KCND3: variants seen among roughly 807,000 people sequenced by gnomAD.
The protein encoded by KCND3 is potassium voltage-gated channel subfamily D member 3.
Under a neutral mutation model 51.1 loss-of-function variants are expected in KCND3, and 9 were observed. The ratio of observed to expected loss-of-function variants is 0.18; its 90% confidence interval spans 0.11 to 0.31. The LOEUF is 0.31. Among genes scored for constraint, KCND3 ranks in the 10% least tolerant of loss-of-function variants. The probability of loss-of-function intolerance (pLI) is 1.00; values close to 1 mark genes in which losing one functional copy is unlikely to be tolerated. For missense variants in KCND3, 526 were observed against 903.8 expected (o/e 0.58, Z 5.36); for synonymous variants, 349 against 368.0 (o/e 0.95, Z 0.59).
chr1:111,900,139 T>G (rs1442320681), intron 2 of KCND3, among the ~76,000 whole-genome samples: 1 of 152,150 alleles, frequency 6.6e-6, no homozygotes, highest in Non-Finnish European at 1.5e-5. Context: ...TATGCAGGGC[T>G]GCTGGGCACC....
chr1:111,956,328 C>T (rs983435690), intron 2 of KCND3, among the ~76,000 whole-genome samples: 11 of 152,172 alleles, frequency 7.2e-5, no homozygotes, highest in East Asian at 1.9e-4. Context: ...TCAGTGCTCC[C>T]GCCAGTCGCC....
chr1:111,904,757 T>C (rs867109375), intron 2 of KCND3, among the ~76,000 whole-genome samples: 2 of 152,226 alleles, frequency 1.3e-5, no homozygotes, highest in South Asian at 2.1e-4. Flanking sequence ...CTGCCGCCGA[T>C]TGGCTCTGAT....
At chr1:111,950,496 G>T (rs1381458129) in intron 2 of KCND3, among the ~76,000 whole-genome samples, 1 of 152,252 alleles carries the variant, frequency 6.6e-6, no homozygotes, top group African/African-American at 2.4e-5. Flanking sequence ...GCAGCACTGT[G>T]CCTGGTGCCC....
chr1:111,934,689 G>C (rs7532076), intron 2 of KCND3, among the ~76,000 whole-genome samples: 1 of 152,020 alleles, frequency 6.6e-6, no homozygotes, highest in South Asian at 2.1e-4. Context: ...TCTGAATCTG[G>C]GTGTGGACAG....
intron 2 of KCND3, among the ~76,000 whole-genome samples, chr1:111,866,263 C>CTTTTTTTTTTTTTTTTTTTTTT (rs11399761): frequency 1.8e-5 from 1 of 54,222 alleles, no homozygotes; most frequent in Non-Finnish European, 5.4e-5. Context: ...CTTTTCTTTT[C>CTTTTTTTTTTTTTTTTTTTTTT]TTTTTTTTTT....
Position 111,947,480 on chromosome 1 carries a change from G to T in KCND3, c.1106+34141C>A, listed in dbSNP as rs145863394. On this transcript the variant is annotated intron_variant, in intron 2 of 7. Transcript: ENST00000302127. The stretch of plus-strand genomic sequence containing the variant: ...CTTTAGTGATGTGAAAATTGTATTT[G>T]TGTTATTCCCATCTCATAGAGGAAG... Among the ~76,000 whole-genome samples the T allele has an allele frequency of 5.4e-3, 824 of 152,332 alleles. 7 individuals carry two copies. The highest frequency in any genetic ancestry group is 0.019 in the African/African-American group (781 of 41,580).
rs1483590521 is a variant in KCND3, at chr1:111,982,027, C to T, written c.700G>A (p.Val234Ile). Residue 234 changes from valine (V) to isoleucine (I), a missense_variant, in exon 2 of 8, where the codon GTC becomes ATC. By Grantham distance (29) the Val-to-Ile change is conservative (BLOSUM62 3). Transcript: ENST00000302127. This position sits in a 1 kb window ranked among gnomAD's most constrained non-coding sequence, Gnocchi z 8.5. ...VAFFCLDTAC[V>I]MIFTVEYLLR... ...AGGTACTCCACGGTGAAGATCATGA[C>T]GCACGCCGTGTCCAGGCAGAAGAAG... 6.2e-7 allele frequency: 1 copy of T among 1,613,756 alleles called. No individual in the cohort carries two copies.
At chr1:111,832,765 A>G (rs1253944028) in intron 2 of KCND3, among the ~76,000 whole-genome samples, 5 of 152,186 alleles carry the variant, frequency 3.3e-5, no homozygotes, top group Non-Finnish European at 7.3e-5. Flanking sequence ...GTGTAGTTCT[A>G]ACGGAATAAA....
intron 2 of KCND3, among the ~76,000 whole-genome samples, chr1:111,790,295 TTAATGAGA>T (rs1664773673): frequency 6.6e-6 from 1 of 152,188 alleles, no homozygotes; most frequent in African/African-American, 2.4e-5. Flanking sequence ...GTTGCGATAA[TTAATGAGA>T]TAATTCAAAA....
rs555770226 is a variant in KCND3 at position 111,793,270 on chromosome 1, G to A, written c.1107-6164C>T. 2.6e-5 allele frequency among the ~76,000 whole-genome samples: 4 copies of A among 151,472 alleles called. No individual in the cohort carries two copies. In the East Asian group the frequency reaches 7.8e-4, roughly 29 times the overall value. On this transcript the variant is annotated intron_variant, in intron 2 of 7. Transcript: ENST00000302127. ...GGCTCACTGCAACCTCTGCCTCCTG[G>A]GTTCATGCCATTCTCCTGCCTCAGC...
Position 111,982,888 on chromosome 1 carries a change from G to A in KCND3, c.-72-90C>T. 1.0e-6 allele frequency: 1 copy of A among 998,906 alleles called. No individual in the cohort carries two copies. The highest frequency in any genetic ancestry group is 1.5e-6 in the Non-Finnish European group (1 of 670,340). The allele number at this position is 998,906 out of a possible 1,614,324, so 61.9% of individuals were successfully genotyped here. The stretch of plus-strand genomic sequence containing the variant: ...ACACAGGAAAGGATCACTGGTGAGT[G>A]AAACGGCCAAAGTCTCCAGGGCAGA... On this transcript the variant is annotated intron_variant, in intron 1 of 7. Coordinates refer to ENST00000302127, the MANE Select transcript of KCND3 (RefSeq NM_001378969.1). The surrounding 1 kb of genome is among the most constrained non-coding windows in gnomAD (Gnocchi z 8.5).
chr1:111,866,522 C>T lies in KCND3; in HGVS notation c.1107-79416G>A, dbSNP rs550315432. 6.2e-4 allele frequency among the ~76,000 whole-genome samples: 94 copies of T among 151,548 alleles called. 3 individuals carry two copies. In the South Asian group the frequency reaches 0.019, roughly 31 times the overall value. ...CCAAGCAATCTACCTGCCTTGGCCT[C>T]CCAAATTGCTGGGATTATAGGCATG... On this transcript the variant is annotated intron_variant, in intron 2 of 7. Coordinates refer to ENST00000302127, the MANE Select transcript of KCND3 (RefSeq NM_001378969.1).
intron 2 of KCND3, among the ~76,000 whole-genome samples, chr1:111,918,723 C>T (rs554780306): frequency 6.6e-6 from 1 of 152,176 alleles, no homozygotes; most frequent in South Asian, 2.1e-4. Flanking sequence ...AGCTTAATTT[C>T]CTTTGTTGCC....
chr1:111,806,211 G>C (rs1665563785), intron 2 of KCND3, among the ~76,000 whole-genome samples: 1 of 152,192 alleles, frequency 6.6e-6, no homozygotes, highest in African/African-American at 2.4e-5. Context: ...TTTTTCAACA[G>C]AGGCCTTCTA....
chr1:111,856,124 A>G (rs1035446537), intron 2 of KCND3, among the ~76,000 whole-genome samples: 2 of 152,218 alleles, frequency 1.3e-5, no homozygotes, highest in Admixed American at 6.5e-5. Context: ...TGAATACCCA[A>G]GGGACTGCCT....
intron 2 of KCND3, among the ~76,000 whole-genome samples, chr1:111,917,140 A>T (rs1671254690): frequency 6.6e-6 from 1 of 152,248 alleles, no homozygotes; most frequent in African/African-American, 2.4e-5. Flanking sequence ...ATCATACTTA[A>T]CAGTGAAGAC....
chr1:111,932,353 C>T (rs1672016441), intron 2 of KCND3, among the ~76,000 whole-genome samples: 1 of 152,232 alleles, frequency 6.6e-6, no homozygotes. Flanking sequence ...ACCCTCTTCA[C>T]TTGTGCTAAG....
chr1:111,793,817 A>C (rs757035862), intron 2 of KCND3, among the ~76,000 whole-genome samples: 9 of 152,112 alleles, frequency 5.9e-5, no homozygotes, highest in Admixed American at 3.9e-4. Flanking sequence ...AAGAAAAAGC[A>C]GAAACAGTCA....
chr1:111,821,509 A>T (rs1666346145), intron 2 of KCND3, among the ~76,000 whole-genome samples: 1 of 152,194 alleles, frequency 6.6e-6, no homozygotes, highest in African/African-American at 2.4e-5. Flanking sequence ...GGACTCAGAG[A>T]TGCCTGGTTT....
Sources: gnomAD v4.1 joint callset for allele counts (sites outside exome capture counted in the v4.1 genomes callset) on GRCh38, gnomAD v4.1.1 for gene constraint, Gnocchi (gnomAD v3.1) non-coding constraint, MANE v1.5 for transcripts, NCBI Gene and HGNC (gene_info 2026-07-23, HGNC 2026-07-21) for gene names.